Variants in ANKRD12 observed in about 807,000 individuals in gnomAD.
The protein encoded by ANKRD12 is ankyrin repeat domain 12, also known as ankyrin repeat domain-containing protein 12.
In ANKRD12, 85 loss-of-function variants were observed where a neutral mutation model predicts 183.4. The ratio of observed to expected loss-of-function variants is 0.46; its 90% CI spans 0.39 to 0.56. The LOEUF (loss-of-function observed/expected upper bound fraction) is 0.56, where lower values mean the gene tolerates loss of function less well. Ranked by LOEUF, ANKRD12 falls within the 20% of genes least tolerant of loss-of-function variation. The pLI is 0.00. For synonymous variants in ANKRD12, 914 were observed against 800.2 expected, an observed-to-expected ratio of 1.14 and a Z score of -2.40; for missense variants, 2,405 against 2,357.1, an observed-to-expected ratio of 1.02 and a Z score of -0.42.
intron 8 of ANKRD12, among the ~76,000 whole-genome samples, chr18:9,244,838 C>T (rs902093505): frequency 2.6e-5 from 4 of 152,156 alleles, no homozygotes; most frequent in African/African-American, 9.7e-5. Context: ...TCAAAGTTCT[C>T]TTTATTATTT....
At chr18:9,277,586 C>T (rs946931904) in intron 11 of ANKRD12, among the ~76,000 whole-genome samples, 3 of 151,922 alleles carry the variant, frequency 2.0e-5, no homozygotes, top group African/African-American at 7.3e-5. Flanking sequence ...CTCGGCCTCC[C>T]AAAGTGCTAG....
intron 7 of ANKRD12, among the ~76,000 whole-genome samples, chr18:9,220,654 A>T (rs1206100205): frequency 6.6e-6 from 1 of 152,194 alleles, no homozygotes; most frequent in Non-Finnish European, 1.5e-5. Flanking sequence ...CTTTTGTATT[A>T]AAATACACAT....
At chr18:9,214,348 A>G (rs1280939134) in intron 6 of ANKRD12, among the ~76,000 whole-genome samples, 2 of 151,534 alleles carry the variant, frequency 1.3e-5, no homozygotes, top group Middle Eastern at 3.4e-3. Context: ...GCAGTATTAA[A>G]TCATAGCTGC....
chr18:9,182,839 C>T (rs2033796935), intron 2 of ANKRD12, among the ~76,000 whole-genome samples: 1 of 151,986 alleles, frequency 6.6e-6, no homozygotes, highest in South Asian at 2.1e-4. Context: ...TTTTTCATTC[C>T]TACTTAATTT....
intron 1 of ANKRD12, chr18:9,137,867 C>G (rs887852719): frequency 3.3e-5 from 5 of 152,176 alleles, no homozygotes; most frequent in African/African-American, 7.2e-5. Context: ...AACGGTTGTA[C>G]AAAGAGGTAT....
rs1325918993 is a variant in ANKRD12 at position 9,285,191 on chromosome 18, A to G, written c.*4065A>G. On this transcript the variant is annotated 3_prime_UTR_variant, in exon 13 of 13. Coordinates refer to ENST00000262126, the MANE Select transcript of ANKRD12 (RefSeq NM_015208.5). ...GCCACTGCACTCCAGCCTGGGCGAC[A>G]GAGCGAGACTCCGTCTCAAAAAAAA... 2 of 150,852 alleles carry G rather than the reference A, an allele frequency of 1.3e-5. No homozygotes were observed. The highest frequency in any genetic ancestry group is 6.6e-5 in the Admixed American group (1 of 15,160). The allele number at this position is 150,852 out of a possible 1,614,324, so 9.3% of individuals were successfully genotyped here. A position where few individuals can be genotyped will look rare whatever the true frequency, so the allele number is the denominator to read the frequency against.
In ANKRD12 at chr18:9,182,473, A is replaced by G; in HGVS notation, c.41A>G (p.Asn14Ser). 1.2e-6 allele frequency: 2 copies of G among 1,611,876 alleles called. No individual in the cohort carries two copies. The highest frequency in any genetic ancestry group is 1.1e-5 in the South Asian group (1 of 90,866). The change falls in exon 2 of 13, where the codon AAT becomes AGT. Residue 14 changes from asparagine (N) to serine (S), a missense_variant. Physicochemically the swap from Asn to Ser is conservative, Grantham distance 46 (BLOSUM62 1). Around this residue, in one of 7 missense-constraint regions of ANKRD12, gnomAD observed 145 missense variants for 145.6 expected, o/e 1.00. Coordinates refer to ENST00000262126, the MANE Select transcript of ANKRD12 (RefSeq NM_015208.5). ...TTCACAAAACCAATTCAGAGTGAAA[A>G]TTCTGACAGTGACAGCAATATGGTA... ...SGFTKPIQSE[N>S]SDSDSNMVEK...
Position 9,257,410 on chromosome 18 carries a change from T to C in ANKRD12, c.4143T>C (p.Tyr1381=), listed in dbSNP as rs1266464949. 2 of 1,614,140 alleles carry C rather than the reference T, an allele frequency of 1.2e-6. No homozygotes were observed. Among genetic ancestry groups the C allele is most frequent in the Admixed American group, 1.7e-5 (1 of 60,016 alleles). ...CAACTGGAGCTTCAAACAGCAAGTA[T>C]GTTTCAGCTGATAGAAATCTCATCA... The part of the protein sequence containing the change: ...TSPTGASNSK[Y]VSADRNLIKN... Residue 1381 remains tyrosine, a synonymous_variant, in exon 9 of 13, where the codon TAT becomes TAC. Coordinates refer to ENST00000262126, the MANE Select transcript of ANKRD12 (RefSeq NM_015208.5).
At chr18:9,155,704 A>T (rs963219161) in intron 1 of ANKRD12, among the ~76,000 whole-genome samples, 2 of 151,894 alleles carry the variant, frequency 1.3e-5, no homozygotes, top group African/African-American at 4.8e-5. Flanking sequence ...GAGTTTGCAT[A>T]CTTCTGTATG....
At chr18:9,201,414 C>T (rs2144508123) in intron 3 of ANKRD12, among the ~76,000 whole-genome samples, 1 of 152,278 alleles carries the variant, frequency 6.6e-6, no homozygotes, top group Admixed American at 6.5e-5. Flanking sequence ...CTTCTTGGCC[C>T]TCAAACTTAA....
At chr18:9,274,672 A>G (rs948856355) in intron 10 of ANKRD12, among the ~76,000 whole-genome samples, 6 of 152,156 alleles carry the variant, frequency 3.9e-5, no homozygotes, top group Non-Finnish European at 8.8e-5. Flanking sequence ...TTATACCACC[A>G]TACTTGGAAA....
chr18:9,239,214 C>T (rs1041348213), intron 8 of ANKRD12, among the ~76,000 whole-genome samples: 1 of 152,008 alleles, frequency 6.6e-6, no homozygotes, highest in Non-Finnish European at 1.5e-5. Context: ...ATTTGGCTGC[C>T]CTCTGGATAT....
rs775076664 is a variant in ANKRD12 at position 9,255,860 on chromosome 18, GATAAA to G, written c.2600_2604del (p.Ile867ArgfsTer15). The G allele has an allele frequency of 2.9e-5, 46 of 1,588,312 alleles. No homozygotes were observed. Among genetic ancestry groups the G allele is most frequent in the Non-Finnish European group, 3.2e-5 (38 of 1,172,968 alleles). ...CAAATTAGATCTTAGTGAATGTGTT[GATAAA>G]ATAAAAGAAAAGGACAAGCTATATT... is the stretch of plus-strand genomic sequence containing the variant. On this transcript the variant is annotated frameshift_variant, in exon 9 of 13. Transcript: ENST00000262126. LOFTEE classifies it high-confidence loss of function.
chr18:9,223,837 C>T (rs926600108), intron 8 of ANKRD12, among the ~76,000 whole-genome samples: 1 of 152,130 alleles, frequency 6.6e-6, no homozygotes, highest in Non-Finnish European at 1.5e-5. Context: ...ACATTGTATA[C>T]GTAACCATTA....
At chr18:9,221,185 A>T (rs2036400192) in intron 7 of ANKRD12, among the ~76,000 whole-genome samples, 2 of 152,304 alleles carry the variant, frequency 1.3e-5, no homozygotes, top group South Asian at 4.1e-4. Flanking sequence ...GGATATGAAG[A>T]AAAAACAAGT....
intron 7 of ANKRD12, among the ~76,000 whole-genome samples, chr18:9,217,262 A>C (rs2036161850): frequency 6.6e-6 from 1 of 152,190 alleles, no homozygotes; most frequent in African/African-American, 2.4e-5. Flanking sequence ...TTGAGACAAA[A>C]ATAGAATTTG....
chr18:9,243,064 C>T (rs1264239348), intron 8 of ANKRD12, among the ~76,000 whole-genome samples: 2 of 152,174 alleles, frequency 1.3e-5, no homozygotes, highest in South Asian at 2.1e-4. Context: ...CTACCTTGCT[C>T]AATCAGTTTG....
rs191992991 is a variant in ANKRD12, at chr18:9,168,865, A to G, written c.-51-13517A>G. On this transcript the variant is annotated intron_variant, in intron 1 of 12. Transcript: ENST00000262126. ...TTCTCTTGTGGGCATTTAGTGCTAT[A>G]GATTTCCCTCTACACACTGCTTTGA... 2.6e-3 allele frequency among the ~76,000 whole-genome samples: 390 copies of G among 152,152 alleles called. 2 individuals are homozygous for G. Among genetic ancestry groups the G allele is most frequent in the Non-Finnish European group, 4.5e-3 (306 of 68,006 alleles).
At position 9,281,373 on chromosome 18, in the gene ANKRD12, T is replaced by C. The variant is rs2040100829; in HGVS notation, c.*247T>C. Reference sequence around the variant, plus strand: ...GAAAGGTAACTATTGCATTAGAGCATGTTGGCAGACTGGTAGGTATTTAAA... The same window carrying C: ...GAAAGGTAACTATTGCATTAGAGCACGTTGGCAGACTGGTAGGTATTTAAA... On this transcript the variant is annotated 3_prime_UTR_variant, in exon 13 of 13. Coordinates refer to ENST00000262126, the MANE Select transcript of ANKRD12 (RefSeq NM_015208.5). 6.4e-6 allele frequency: 2 copies of C among 311,274 alleles called. No homozygotes were observed. The highest frequency in any genetic ancestry group is 1.0e-4 in the Admixed American group (2 of 19,480). 19.3% of individuals were successfully genotyped at this position (311,274 alleles called of 1,614,324 possible).
Sources: gnomAD v4.1 joint callset for allele counts (sites outside exome capture counted in the v4.1 genomes callset) on GRCh38, gnomAD v4.1.1 for gene constraint, gnomAD v4.1.1 regional missense constraint, MANE v1.5 for transcripts, NCBI Gene and HGNC (gene_info 2026-07-23, HGNC 2026-07-21) for gene names.